The following ULK4 variants were observed in gnomAD, a reference collection of about 807,000 sequenced individuals.
The protein encoded by ULK4 is inactive serine/threonine-protein kinase ULK4.
Under a neutral mutation model 160.6 loss-of-function variants are expected in ULK4, and 133 were observed. The observed-to-expected ratio is 0.83, with a 90% CI of 0.72 to 0.96. ULK4 has a LOEUF of 0.96. ULK4 is among the 40% of genes least tolerant of loss of function. The pLI, the probability that ULK4 is intolerant of heterozygous loss-of-function variation, is 0.00. For synonymous variants in ULK4, 534 were observed against 539.8 expected (o/e 0.99, Z 0.15); for missense variants, 1,580 against 1,499.5 (o/e 1.05, Z -0.89).
At chr3:41,578,165 T>C (rs1173676893) in intron 31 of ULK4, among the ~76,000 whole-genome samples, 1 of 152,172 alleles carries the variant, frequency 6.6e-6, no homozygotes. Flanking sequence ...ACAGTCAGGG[T>C]TGAAATTTTA....
rs916533925 is a variant in ULK4, at chr3:41,938,193, C to T, written c.143G>A (p.Arg48His). Reference sequence around the variant, plus strand: ...CTTGTGTTTTATTTCACGGGTGAGACGGACCTATAAAAACACAGAGCAATC... The same window carrying T: ...CTTGTGTTTTATTTCACGGGTGAGATGGACCTATAAAAACACAGAGCAATC... ...CKRPEITNWV[R>H]LTREIKHKNI... The change falls in exon 3 of 37, where the codon CGT becomes CAT. Residue 48 changes from arginine to histidine, a missense_variant. Transcript: ENST00000301831. 4.3e-6 allele frequency: 7 copies of T among 1,610,678 alleles called. No individual in the cohort carries two copies. Among genetic ancestry groups the T allele is most frequent in the South Asian group, 1.1e-5 (1 of 90,688 alleles).
chr3:41,823,092 AGCAGAGTAAGAGGTT>A (rs1291013311), intron 18 of ULK4, among the ~76,000 whole-genome samples: 1 of 152,122 alleles, frequency 6.6e-6, no homozygotes, highest in Non-Finnish European at 1.5e-5. Context: ...AAAGAAAAAC[AGCAGAGTAAGAGGTT>A]GCAGAAAGAC....
intron 27 of ULK4, among the ~76,000 whole-genome samples, chr3:41,689,644 A>C (rs1229155465): frequency 6.6e-6 from 1 of 152,224 alleles, no homozygotes. Flanking sequence ...ATGAATACAC[A>C]CTTCTCAAAA....
At position 41,814,391 on chromosome 3, in the gene ULK4, G is replaced by C. The variant is rs568960718; in HGVS notation, c.1848+5032C>G. Among the ~76,000 whole-genome samples the C allele has an allele frequency of 1.8e-3, 280 of 152,240 alleles. 1 individual carries two copies. Among genetic ancestry groups the C allele is most frequent in the Non-Finnish European group, 3.6e-3 (242 of 68,012 alleles). ...ATTATGGTTAGAGAGAAAGATGTAT[G>C]CATGATTCCACTTCTTTGGAATTTG... On this transcript the variant is annotated intron_variant, in intron 19 of 36. Transcript: ENST00000301831.
intron 32 of ULK4, among the ~76,000 whole-genome samples, chr3:41,465,162 T>G (rs145311893): frequency 2.0e-5 from 3 of 152,360 alleles, no homozygotes; most frequent in Non-Finnish European, 2.9e-5. Flanking sequence ...AGCCATATTT[T>G]CAGTGTTCTT....
intron 32 of ULK4, among the ~76,000 whole-genome samples, chr3:41,495,708 C>A (rs1350749642): frequency 6.6e-6 from 1 of 151,544 alleles, no homozygotes; most frequent in African/African-American, 2.4e-5. Flanking sequence ...CCAGAATCTA[C>A]AATGAACTCA....
chr3:41,699,944 T>C (rs2036618001), intron 27 of ULK4, among the ~76,000 whole-genome samples: 1 of 152,194 alleles, frequency 6.6e-6, no homozygotes, highest in African/African-American at 2.4e-5. Flanking sequence ...GAATGCAAAA[T>C]AGATATTTAT....
At chr3:41,431,364 T>C in intron 34 of ULK4, among the ~76,000 whole-genome samples, 1 of 122,870 alleles carries the variant, frequency 8.1e-6, no homozygotes, top group Non-Finnish European at 1.5e-5. Flanking sequence ...CAAATAATAA[T>C]AATAATAATA....
intron 34 of ULK4, among the ~76,000 whole-genome samples, chr3:41,402,926 G>A (rs1027193286): frequency 1.3e-5 from 2 of 152,050 alleles, no homozygotes; most frequent in African/African-American, 2.4e-5. Flanking sequence ...CAAGGCAGGC[G>A]GATCATCTGA....
intron 17 of ULK4, 39 bp from the exon 18 acceptor site, chr3:41,836,010 T>G (rs2041746023): frequency 1.5e-6 from 2 of 1,353,748 alleles, no homozygotes; most frequent in Non-Finnish European, 2.1e-6. Context: ...TTATTTCAAA[T>G]GTATCTCTCA....
chr3:41,344,947 C>G (rs1488982063), intron 35 of ULK4, among the ~76,000 whole-genome samples: 3 of 151,986 alleles, frequency 2.0e-5, no homozygotes, highest in Admixed American at 6.6e-5. Flanking sequence ...AAAAAAACAA[C>G]TGCACCAAAA....
rs926378443 is a variant in ULK4 at position 41,665,220 on chromosome 3, C to G, written c.2979-1521G>C. 3.6e-4 allele frequency among the ~76,000 whole-genome samples: 55 copies of G among 152,078 alleles called. 1 individual carries two copies. The highest frequency in any genetic ancestry group is 7.4e-5 in the Non-Finnish European group (5 of 68,022). ...TCTCATTTTGGAAATCATTGTATAA[C>G]AAGCCTAATTATATAGCCTGTAAGC... On this transcript the variant is annotated intron_variant, in intron 29 of 36. Transcript: ENST00000301831.
intron 35 of ULK4, among the ~76,000 whole-genome samples, chr3:41,314,809 G>A (rs1251532577): frequency 7.3e-6 from 1 of 137,562 alleles, no homozygotes; most frequent in Non-Finnish European, 1.5e-5. Context: ...ATTTGGTGCA[G>A]TGTGTCTGTG....
At position 41,800,247 on chromosome 3, in the gene ULK4, A is replaced by T. The variant is rs564254692; in HGVS notation, c.1895T>A (p.Val632Asp). ...GGACTGAGCAGAAAAGGTGGTACAG[A>T]CATTTTCAATAATTTTTGCTGCCAT... ...NHMAAKIIEN[V>D]CTTFSAQSQG... Residue 632 changes from valine to aspartate, a missense_variant, in exon 20 of 37, where the codon GTC becomes GAC. Coordinates refer to ENST00000301831, the MANE Select transcript of ULK4 (RefSeq NM_017886.4). The T allele has an allele frequency of 3.7e-6, 6 of 1,613,268 alleles. No individual in the cohort carries two copies. In the Admixed American group the frequency reaches 1.0e-4, roughly 27 times the overall value.
chr3:41,539,889 C>A lies in ULK4; in HGVS notation c.3226+26136G>T, dbSNP rs184309179. Among the ~76,000 whole-genome samples, 442 of 152,184 alleles carry A rather than the reference C, an allele frequency of 2.9e-3. 2 individuals carry two copies. The highest frequency in any genetic ancestry group is 9.8e-3 in the African/African-American group (407 of 41,526). ...AAACCTCTGTCATCTCACTTTTAGG[C>A]ATCTGACTCCTCATCCACTATCTCA... On this transcript the variant is annotated intron_variant, in intron 32 of 36. Coordinates refer to ENST00000301831, the MANE Select transcript of ULK4 (RefSeq NM_017886.4).
At chr3:41,496,527 T>C (rs2084997392) in intron 32 of ULK4, among the ~76,000 whole-genome samples, 2 of 151,930 alleles carry the variant, frequency 1.3e-5, no homozygotes, top group African/African-American at 4.8e-5. Context: ...ACTTTGCTGA[T>C]GAGAAGTAAG....
At chr3:41,489,232 T>G (rs1458813615) in intron 32 of ULK4, among the ~76,000 whole-genome samples, 1 of 152,190 alleles carries the variant, frequency 6.6e-6, no homozygotes, top group Non-Finnish European at 1.5e-5. Flanking sequence ...ACTAAAGTCA[T>G]GATTAGAATT....
At chr3:41,390,679 G>C (rs1459493888) in intron 35 of ULK4, among the ~76,000 whole-genome samples, 1 of 144,626 alleles carries the variant, frequency 6.9e-6, no homozygotes, top group Non-Finnish European at 1.5e-5. Context: ...GAGCGGTTTT[G>C]AGTGAGTTTC....
At chr3:41,495,739 A>G (rs1160824346) in intron 32 of ULK4, among the ~76,000 whole-genome samples, 1 of 151,740 alleles carries the variant, frequency 6.6e-6, no homozygotes, top group South Asian at 2.1e-4. Flanking sequence ...CAAGAAAAAA[A>G]CAAACAACCC....
Sources: gnomAD v4.1 joint callset for allele counts (sites outside exome capture counted in the v4.1 genomes callset) on GRCh38, gnomAD v4.1.1 for gene constraint, MANE v1.5 for transcripts, NCBI Gene and HGNC (gene_info 2026-07-23, HGNC 2026-07-21) for gene names.